The following PPP1R16B variants were observed in gnomAD, a reference collection of about 807,000 sequenced individuals.
PPP1R16B encodes protein phosphatase 1 regulatory inhibitor subunit 16B.
Under a neutral mutation model 61.7 loss-of-function variants are expected in PPP1R16B, and 14 were observed. That is an observed-to-expected ratio of 0.23 (90% CI 0.15 to 0.35). The LOEUF (loss-of-function observed/expected upper bound fraction) is 0.35, where lower values mean the gene tolerates loss of function less well. Ranked by LOEUF, PPP1R16B falls within the 10% of genes least tolerant of loss-of-function variation. The pLI is 1.00. For missense variants in PPP1R16B, 547 were observed against 752.5 expected (o/e 0.73, Z 3.19); for synonymous variants, 266 against 305.3 (o/e 0.87, Z 1.34).
At position 38,900,681 on chromosome 20, in the gene PPP1R16B, C is replaced by A; in HGVS notation, c.568C>A (p.Gln190Lys). 6.3e-7 allele frequency: 1 copy of A among 1,581,106 alleles called. No homozygotes were observed. Among genetic ancestry groups the A allele is most frequent in the Non-Finnish European group, 8.6e-7 (1 of 1,167,008 alleles). Reference protein sequence around the residue: ...LDVIETCMAYQGITQEKINEM... With the variant: ...LDVIETCMAYKGITQEKINEM... ...TGTCATCGAGACCTGCATGGCATAC[C>A]AGGGTAAGGGAGGGCAGCCTGCTAT... The change falls in exon 5 of 11, where the codon CAG becomes AAG. Residue 190 changes from glutamine to lysine, a missense_variant. Transcript: ENST00000299824.
Position 38,918,149 on chromosome 20 carries a change from A to G in PPP1R16B, c.1195-8A>G. The G allele has an allele frequency of 6.2e-7, 1 of 1,612,344 alleles. No individual in the cohort carries two copies. Among genetic ancestry groups the G allele is most frequent in the Non-Finnish European group, 8.5e-7 (1 of 1,178,526 alleles). On this transcript the variant is annotated splice_region_variant and splice_polypyrimidine_tract_variant and intron_variant, in intron 10 of 10. Transcript: ENST00000299824. This position sits in a 1 kb window ranked among gnomAD's most constrained non-coding sequence, Gnocchi z 5.3. Reference sequence around the variant, plus strand: ...GCCAGCTGGTAATGTTGTCCTTCTCACTCGCAGAACCCCAGGCTGGAGAAG... The same window carrying G: ...GCCAGCTGGTAATGTTGTCCTTCTCGCTCGCAGAACCCCAGGCTGGAGAAG...
chr20:38,868,393 T>G (rs1449601728), intron 2 of PPP1R16B, among the ~76,000 whole-genome samples: 1 of 152,136 alleles, frequency 6.6e-6, no homozygotes, highest in African/African-American at 2.4e-5. Flanking sequence ...GTAAGTTTTT[T>G]TTTTTTTTGG....
At chr20:38,857,160 C>A (rs183032264) in intron 2 of PPP1R16B, among the ~76,000 whole-genome samples, 42 of 152,292 alleles carry the variant, frequency 2.8e-4, no homozygotes, top group Non-Finnish European at 5.7e-4. Context: ...TGCACTGAGA[C>A]ATTTATAGTC....
chr20:38,891,768 C>T (rs1358359581), intron 3 of PPP1R16B, among the ~76,000 whole-genome samples: 10 of 151,586 alleles, frequency 6.6e-5, no homozygotes, highest in Non-Finnish European at 1.2e-4. Flanking sequence ...TGCCACTACC[C>T]TCCAGCCTGG....
At chr20:38,838,640 T>C (rs927464753) in intron 2 of PPP1R16B, 1 of 152,270 alleles carries the variant, frequency 6.6e-6, no homozygotes, top group Non-Finnish European at 1.5e-5. Flanking sequence ...CTTGTCATGA[T>C]GTCTAATTTT....
chr20:38,841,180 G>A (rs1230339992), intron 2 of PPP1R16B, among the ~76,000 whole-genome samples: 1 of 151,786 alleles, frequency 6.6e-6, no homozygotes, highest in Non-Finnish European at 1.5e-5. Context: ...ACTATTCAAT[G>A]ATTTTCAGTA....
At chr20:38,827,453 C>T (rs1000029773) in intron 1 of PPP1R16B, among the ~76,000 whole-genome samples, 1 of 152,230 alleles carries the variant, frequency 6.6e-6, no homozygotes, top group African/African-American at 2.4e-5. Context: ...GCCTCCCCAA[C>T]ACACACAAAG....
At chr20:38,829,030 C>T (rs1052521516) in intron 1 of PPP1R16B, among the ~76,000 whole-genome samples, 1 of 152,138 alleles carries the variant, frequency 6.6e-6, no homozygotes, top group African/African-American at 2.4e-5. Flanking sequence ...CTTGCCTTTC[C>T]CTTAAAGGGT....
rs1324927663 is a variant in PPP1R16B at position 38,907,314 on chromosome 20, G to A, written c.898+260G>A. On this transcript the variant is annotated intron_variant, in intron 8 of 10. Transcript: ENST00000299824. The surrounding 1 kb of genome is among the most constrained non-coding windows in gnomAD (Gnocchi z 4.5). ...GGTTGAATGGATGGGTGGGTGGGTG[G>A]ATGGATGGATGGATGGATGGATGGA... Among the ~76,000 whole-genome samples, 1 of 60,980 alleles carries A rather than the reference G, an allele frequency of 1.6e-5. No individual in the cohort carries two copies. Among genetic ancestry groups the A allele is most frequent in the Non-Finnish European group, 3.2e-5 (1 of 31,356 alleles). 40.0% of individuals were successfully genotyped at this position (60,980 alleles called of 152,430 possible).
chr20:38,914,400 C>T (rs2085516328), intron 10 of PPP1R16B, among the ~76,000 whole-genome samples: 1 of 152,074 alleles, frequency 6.6e-6, no homozygotes, highest in South Asian at 2.1e-4. Flanking sequence ...TTTGTTTAAC[C>T]TTCCTGTTGT....
chr20:38,848,829 GGGA>G (rs1158938351), intron 2 of PPP1R16B, among the ~76,000 whole-genome samples: 2 of 152,128 alleles, frequency 1.3e-5, no homozygotes, highest in Non-Finnish European at 2.9e-5. Context: ...TGTGGGAGGA[GGGA>G]GGAGATCAGG....
chr20:38,864,852 C>T (rs931068113), intron 2 of PPP1R16B, among the ~76,000 whole-genome samples: 2 of 152,168 alleles, frequency 1.3e-5, no homozygotes, highest in Non-Finnish European at 1.5e-5. Flanking sequence ...TGTCTCTGAC[C>T]CAGTTTGAGA....
chr20:38,893,567 A>AGGGAGGAAGTGGGAGGAGGC, intron 3 of PPP1R16B, among the ~76,000 whole-genome samples: 1 of 140,212 alleles, frequency 7.1e-6, no homozygotes, highest in South Asian at 2.3e-4. Flanking sequence ...GAAGCTGGGA[A>AGGGAGGAAGTGGGAGGAGGC]GGGAGGAAGT....
intron 2 of PPP1R16B, among the ~76,000 whole-genome samples, chr20:38,864,390 G>A (rs1295022207): frequency 6.6e-6 from 1 of 152,180 alleles, no homozygotes; most frequent in African/African-American, 2.4e-5. Flanking sequence ...GTCAGGGAGA[G>A]GAAGAGAAAC....
At chr20:38,814,227 A>G (rs1281763219) in intron 1 of PPP1R16B, among the ~76,000 whole-genome samples, 1 of 152,198 alleles carries the variant, frequency 6.6e-6, no homozygotes, top group African/African-American at 2.4e-5. Flanking sequence ...TCCGGCTTCA[A>G]AGTCCTTGTA....
chr20:38,881,897 T>A (rs1345324619), intron 2 of PPP1R16B, among the ~76,000 whole-genome samples: 1 of 152,148 alleles, frequency 6.6e-6, no homozygotes, highest in Admixed American at 6.5e-5. Context: ...TTTAGCAAAG[T>A]GGTTAAGGGT....
At chr20:38,855,941 T>TAGAGAGAGAG (rs1371645291) in intron 2 of PPP1R16B, among the ~76,000 whole-genome samples, 12 of 25,370 alleles carry the variant, frequency 4.7e-4, no homozygotes, top group East Asian at 1.6e-3. Context: ...TATATATATA[T>TAGAGAGAGAG]ATAGAGAGAG....
chr20:38,895,808 T>C (rs13042441), intron 4 of PPP1R16B, 98 bp downstream of exon 4: 62,079 of 781,800 alleles, frequency 0.079, 4,086 homozygotes, highest in South Asian at 0.14. Context: ...CTTCTTTCTC[T>C]CCTCCCTTCC....
chr20:38,823,435 G>T (rs2084784965), intron 1 of PPP1R16B, among the ~76,000 whole-genome samples: 2 of 152,154 alleles, frequency 1.3e-5, no homozygotes, highest in Non-Finnish European at 2.9e-5. Flanking sequence ...GAGGTCAGGA[G>T]TTCGAGACCA....
Sources: gnomAD v4.1 joint callset for allele counts (sites outside exome capture counted in the v4.1 genomes callset) on GRCh38, gnomAD v4.1.1 for gene constraint, Gnocchi (gnomAD v3.1) non-coding constraint, MANE v1.5 for transcripts, NCBI Gene and HGNC (gene_info 2026-07-23, HGNC 2026-07-21) for gene names.